Variants in SYNM observed in about 807,000 individuals in gnomAD.
SYNM encodes the protein desmuslin.
A neutral mutation model predicts 104.0 loss-of-function variants in SYNM; 95 were observed. The observed-to-expected ratio is 0.91, with a 90% CI of 0.77 to 1.08. SYNM has a LOEUF of 1.08. SYNM is among the 50% of genes least tolerant of loss of function. SYNM has a pLI of 0.00. For synonymous variants in SYNM, 918 were observed against 869.0 expected, an observed-to-expected ratio of 1.06 and a Z score of -0.99; for missense variants, 2,150 against 2,052.2, an observed-to-expected ratio of 1.05 and a Z score of -0.92.
chr15:99,138,264 T>G, downstream of SYNM: 1 of 1,022,038 alleles, frequency 9.8e-7, no homozygotes, highest in Non-Finnish European at 1.4e-6. Flanking sequence ...GAGAGGAGAA[T>G]TGTAGCACAG....
rs782617752 is a variant in SYNM at position 99,129,874 on chromosome 15, C to T, written c.1514C>T (p.Thr505Met). 15 of 1,613,046 alleles carry T rather than the reference C, an allele frequency of 9.3e-6. No individual in the cohort carries two copies. The highest frequency in any genetic ancestry group is 7.7e-5 in the South Asian group (7 of 90,990). The change falls in exon 4 of 4, where the codon ACG (threonine) becomes ATG (methionine). Residue 505 changes from threonine to methionine, a missense_variant. Physicochemically the swap from Thr to Met is moderately conservative, Grantham distance 81. Transcript: ENST00000336292. ...ILGKKTEVKATREQERNRPET... is the reference protein window; with the variant it reads ...ILGKKTEVKAMREQERNRPET... ...GGAAAGAAAACAGAAGTGAAAGCCA[C>T]GAGGGAGCAAGAAAGAAACAGACCA...
chr15:99,108,711 A>G (rs1555483096), intron 1 of SYNM, among the ~76,000 whole-genome samples: 2 of 152,202 alleles, frequency 1.3e-5, no homozygotes, highest in Non-Finnish European at 2.9e-5. Context: ...GCTGAGGCAC[A>G]TAAGTCACCT....
Position 99,131,977 on chromosome 15 carries a change from G to C in SYNM, c.3617G>C (p.Gly1206Ala). 6.2e-7 allele frequency: 1 copy of C among 1,613,960 alleles called. No homozygotes were observed. Among genetic ancestry groups the C allele is most frequent in the Non-Finnish European group, 8.5e-7 (1 of 1,179,906 alleles). Residue 1206 changes from glycine to alanine, a missense_variant, in exon 4 of 4, where the codon GGC (glycine) becomes GCC (alanine). Transcript: ENST00000336292. This position sits in a 1 kb window ranked among gnomAD's most constrained non-coding sequence, Gnocchi z 4.3. ...GAGGCATGGGGCTCGCCAGAACCTG[G>C]CCCAGCAGAGTCTTCTGCAGATATG... ...CPEAWGSPEP[G>A]PAESSADMDG...
intron 1 of SYNM, among the ~76,000 whole-genome samples, chr15:99,106,443 C>T (rs945800377): frequency 6.6e-6 from 1 of 152,196 alleles, no homozygotes; most frequent in African/African-American, 2.4e-5. Context: ...TAGCGCTCCT[C>T]AGGGGAAAAC....
At chr15:99,122,226 T>G (rs78655273) in intron 2 of SYNM, among the ~76,000 whole-genome samples, 3,352 of 152,302 alleles carry the variant, frequency 0.022, 112 homozygotes, top group African/African-American at 0.074. Context: ...GCAGCGTGTT[T>G]TAATGGAGAA....
intron 1 of SYNM, among the ~76,000 whole-genome samples, chr15:99,111,653 C>T (rs1555483408): frequency 6.6e-6 from 1 of 152,134 alleles, no homozygotes; most frequent in Non-Finnish European, 1.5e-5. Flanking sequence ...TACTTCAGGA[C>T]CCTTTATATT....
In SYNM at chr15:99,105,583, C is replaced by T. The variant is rs1458966305; in HGVS notation, c.384C>T (p.Ala128=). ...TGCAGGAGGCGCTGGGCGCGCGCGC[C>T]GCCCTCGAGGCGCTGCTGGGCCGGC... ...RELQEALGAR[A]ALEALLGRLQ... is the part of the protein sequence containing the mutation. Residue 128 remains alanine (A), a synonymous_variant, in exon 1 of 4, where the codon GCC becomes GCT. Coordinates refer to ENST00000336292, the MANE Select transcript of SYNM (RefSeq NM_145728.3). The T allele has an allele frequency of 7.0e-6, 8 of 1,146,770 alleles. No homozygotes were observed. Among genetic ancestry groups the T allele is most frequent in the East Asian group, 4.2e-5 (1 of 23,972 alleles). The allele number at this position is 1,146,770 out of a possible 1,614,324, so 71.0% of individuals were successfully genotyped here. A position where few individuals can be genotyped will look rare whatever the true frequency, so the allele number is the denominator to read the frequency against.
chr15:99,123,646 C>A (rs1294765197), intron 2 of SYNM, among the ~76,000 whole-genome samples: 1 of 152,240 alleles, frequency 6.6e-6, no homozygotes, highest in Non-Finnish European at 1.5e-5. Context: ...GCGGCTCCTT[C>A]TCCAGCTCCG....
At chr15:99,119,376 C>G (rs2067379092) in intron 2 of SYNM, among the ~76,000 whole-genome samples, 1 of 152,212 alleles carries the variant, frequency 6.6e-6, no homozygotes, top group African/African-American at 2.4e-5. Flanking sequence ...CGAAGTTGGC[C>G]TCGTAACAAA....
At chr15:99,136,582 A>G (rs1555486967), downstream of SYNM, 2 of 152,176 alleles carry the variant, frequency 1.3e-5, no homozygotes, top group South Asian at 4.2e-4. Flanking sequence ...CTTATAAAGC[A>G]CTAATCCCAT....
intron 1 of SYNM, among the ~76,000 whole-genome samples, chr15:99,109,625 G>A (rs1004979916): frequency 2.6e-5 from 4 of 152,154 alleles, no homozygotes; most frequent in Non-Finnish European, 4.4e-5. Context: ...TTTGTGAAAC[G>A]AGGTACTGGA....
rs1555485573 is a variant in SYNM at position 99,130,314 on chromosome 15, C to G, written c.1954C>G (p.Gln652Glu). ...TACCAGTATCCTGAAGCAGTTCACT[C>G]AGTCTCCAGAGACAGAAGCATCTGC... Reference protein sequence around the residue: ...IVTSILKQFTQSPETEASADS... With the variant: ...IVTSILKQFTESPETEASADS... The change falls in exon 4 of 4, where the codon CAG becomes GAG. Residue 652 changes from glutamine to glutamate, a missense_variant. Coordinates refer to ENST00000336292, the MANE Select transcript of SYNM (RefSeq NM_145728.3). 2 of 1,613,734 alleles carry G rather than the reference C, an allele frequency of 1.2e-6. No individual in the cohort carries two copies.
In SYNM at chr15:99,105,590, G is replaced by T; in HGVS notation, c.391G>T (p.Glu131Ter). The T allele has an allele frequency of 2.6e-6, 3 of 1,159,558 alleles. No individual in the cohort carries two copies. Among genetic ancestry groups the T allele is most frequent in the East Asian group, 4.0e-5 (1 of 25,176 alleles). 71.8% of individuals were successfully genotyped at this position (1,159,558 alleles called of 1,614,324 possible). The change falls in exon 1 of 4, where the codon GAG becomes TAG. Residue 131 changes from glutamate (E) to a stop codon, truncating the protein, a stop_gained. Transcript: ENST00000336292. LOFTEE classifies it high-confidence loss of function. ...GGCGCTGGGCGCGCGCGCCGCCCTCGAGGCGCTGCTGGGCCGGCTGCAGGC... is the reference window on the plus strand; with the variant it reads ...GGCGCTGGGCGCGCGCGCCGCCCTCTAGGCGCTGCTGGGCCGGCTGCAGGC... ...QEALGARAAL[E>*]ALLGRLQAER...
At chr15:99,138,235 C>T (rs1191333435), downstream of SYNM, 7 of 1,347,170 alleles carry the variant, frequency 5.2e-6, no homozygotes, top group African/African-American at 1.4e-5. Flanking sequence ...TATGAGAAGA[C>T]TTGGTAGGGG....
chr15:99,139,388 G>C (rs1416510379), downstream of SYNM: 2 of 1,614,030 alleles, frequency 1.2e-6, no homozygotes, highest in Non-Finnish European at 1.7e-6. Context: ...AGAGGGTCTG[G>C]ATCTGGAGAC....
downstream of SYNM, chr15:99,136,908 A>G (rs555455449): frequency 2.0e-5 from 3 of 152,254 alleles, no homozygotes; most frequent in East Asian, 5.8e-4. Flanking sequence ...GGCTCTACTG[A>G]GTTTATTTTC....
chr15:99,112,654 C>A (rs1490066230), intron 1 of SYNM, among the ~76,000 whole-genome samples: 13 of 152,168 alleles, frequency 8.5e-5, no homozygotes, highest in African/African-American at 2.9e-4. Context: ...CGAGGAGCAC[C>A]CAGGACGCCC....
downstream of SYNM, chr15:99,137,947 A>G (rs1304367753): frequency 3.8e-6 from 6 of 1,594,036 alleles, no homozygotes; most frequent in African/African-American, 4.0e-5. Flanking sequence ...GGCGGAGGTG[A>G]TTTGTACAGC....
chr15:99,139,476 A>G (rs2067967175), downstream of SYNM: 1 of 1,597,140 alleles, frequency 6.3e-7, no homozygotes, highest in African/African-American at 1.3e-5. Flanking sequence ...CCCTTGAATG[A>G]GAGAAAGATG....
Sources: allele counts gnomAD v4.1 joint callset (sites outside exome capture counted in the v4.1 genomes callset), GRCh38; gene constraint gnomAD v4.1.1; non-coding constraint Gnocchi (gnomAD v3.1); transcripts MANE v1.5; gene names NCBI Gene and HGNC (gene_info 2026-07-23, HGNC 2026-07-21).